The following OSBP variants were observed in gnomAD, a reference collection of about 807,000 sequenced individuals.
The protein encoded by OSBP is oxysterol-binding protein 1.
OSBP carries 32 observed loss-of-function variants against 96.6 expected under a neutral mutation model. That is an observed-to-expected ratio of 0.33 (90% confidence interval 0.25 to 0.45). OSBP has a LOEUF of 0.45. OSBP is among the 20% of genes least tolerant of loss of function. OSBP has a pLI of 1.00. For synonymous variants in OSBP, 369 were observed against 389.6 expected, an observed-to-expected ratio of 0.95 and a Z score of 0.62; for missense variants, 653 against 1,029.7, an observed-to-expected ratio of 0.63 and a Z score of 5.01.
At chr11:59,613,396 C>A (rs1271482295) in intron 1 of OSBP, among the ~76,000 whole-genome samples, 1 of 152,174 alleles carries the variant, frequency 6.6e-6, no homozygotes, top group East Asian at 1.9e-4. Context: ...TTATTAGTGT[C>A]TAAGATCACT....
At position 59,614,381 on chromosome 11, in the gene OSBP, T is replaced by C. The variant is rs148494274; in HGVS notation, c.362+922A>G. On this transcript the variant is annotated intron_variant, in intron 1 of 13. Transcript: ENST00000263847. ...AATGAAATACTGTATATAAAACACC[T>C]AGACACATTGTCCAGCCCTCAGGAA... Among the ~76,000 whole-genome samples the C allele has an allele frequency of 2.0e-5, 3 of 152,288 alleles. No individual in the cohort carries two copies. The East Asian group carries it at 5.8e-4, about 29-fold the overall frequency.
intron 1 of OSBP, among the ~76,000 whole-genome samples, chr11:59,611,789 CTAT>C (rs1231326897): frequency 1.3e-5 from 2 of 152,178 alleles, no homozygotes; most frequent in Non-Finnish European, 2.9e-5. Flanking sequence ...ACTGACAGTT[CTAT>C]TAATAGACTA....
chr11:59,601,892 A>T (rs1237668467), intron 3 of OSBP, 54 bp from the exon 4 acceptor site: 1 of 1,528,762 alleles, frequency 6.5e-7, no homozygotes, highest in Non-Finnish European at 9.0e-7. Flanking sequence ...GTTTCCCCTC[A>T]GGCTTCTGCA....
intron 3 of OSBP, among the ~76,000 whole-genome samples, chr11:59,602,551 T>G (rs1421930137): frequency 6.6e-6 from 1 of 152,222 alleles, no homozygotes; most frequent in Admixed American, 6.5e-5. Flanking sequence ...ACCTTCATAA[T>G]ACGGCCATCA....
chr11:59,599,017 C>A (rs1367234857), intron 7 of OSBP, among the ~76,000 whole-genome samples: 2 of 152,246 alleles, frequency 1.3e-5, no homozygotes, highest in African/African-American at 4.8e-5. Flanking sequence ...GGCAGCAGAG[C>A]CCCAGGACAG....
intron 7 of OSBP, 93 bp downstream of exon 7, chr11:59,600,403 C>A: frequency 7.5e-7 from 1 of 1,331,606 alleles, no homozygotes; most frequent in South Asian, 1.4e-5. Flanking sequence ...CCACAAACTG[C>A]CGCACAAGTG....
intron 1 of OSBP, among the ~76,000 whole-genome samples, chr11:59,614,155 A>T (rs1860889979): frequency 6.6e-6 from 1 of 152,230 alleles, no homozygotes; most frequent in Non-Finnish European, 1.5e-5. Context: ...GCTATTGATA[A>T]GCAATTATCT....
chr11:59,611,918 C>G (rs1236349992), intron 1 of OSBP, among the ~76,000 whole-genome samples: 1 of 152,222 alleles, frequency 6.6e-6, no homozygotes, highest in Non-Finnish European at 1.5e-5. Flanking sequence ...CTAACACAAA[C>G]TGTGTCATTT....
chr11:59,615,057 G>A (rs919110248), intron 1 of OSBP, among the ~76,000 whole-genome samples: 1 of 152,252 alleles, frequency 6.6e-6, no homozygotes, highest in Admixed American at 6.5e-5. Flanking sequence ...TGACTGGAAA[G>A]GCCGGGAGCG....
chr11:59,580,037 C>T (rs1378191156), intron 11 of OSBP, 137 bp downstream of exon 11: 1 of 692,766 alleles, frequency 1.4e-6, no homozygotes, highest in Non-Finnish European at 2.6e-6. Context: ...TTTTGAATCA[C>T]TATATGTACA....
At chr11:59,590,219 C>G (rs1479319296) in intron 9 of OSBP, among the ~76,000 whole-genome samples, 2 of 152,150 alleles carry the variant, frequency 1.3e-5, no homozygotes, top group Non-Finnish European at 2.9e-5. Context: ...GTTAACAGAA[C>G]CACAATTTTG....
At chr11:59,606,662 C>T (rs1483643380) in intron 3 of OSBP, among the ~76,000 whole-genome samples, 6 of 152,168 alleles carry the variant, frequency 3.9e-5, no homozygotes, top group African/African-American at 7.2e-5. Flanking sequence ...AACCTGCACA[C>T]GTGCCCCTTG....
At chr11:59,589,272 G>C (rs1314912164) in intron 9 of OSBP, among the ~76,000 whole-genome samples, 1 of 150,304 alleles carries the variant, frequency 6.7e-6, no homozygotes, top group African/African-American at 2.4e-5. Context: ...ACAGGCATGA[G>C]CCACTGCATC....
In OSBP at chr11:59,607,204, G is replaced by A. The variant is rs117661531; in HGVS notation, c.822+1280C>T. Among the ~76,000 whole-genome samples the A allele has an allele frequency of 7.3e-3, 1,116 of 152,174 alleles. 8 individuals carry two copies. Among genetic ancestry groups the A allele is most frequent in the Middle Eastern group, 0.017 (5 of 294 alleles). ...GAGTTGTTTTATTTAAAAAGTATAC[G>A]TATTTACTATTTAATTGACTGTATG... On this transcript the variant is annotated intron_variant, in intron 3 of 13. Coordinates refer to ENST00000263847, the MANE Select transcript of OSBP (RefSeq NM_002556.3).
Position 59,615,562 on chromosome 11 carries a change from C to A in OSBP, c.103G>T (p.Gly35Cys). The A allele has an allele frequency of 7.3e-7, 1 of 1,363,570 alleles. No individual in the cohort carries two copies. The highest frequency in any genetic ancestry group is 2.9e-5 in the Admixed American group (1 of 35,062). 84.5% of individuals were successfully genotyped at this position (1,363,570 alleles called of 1,614,324 possible). ...GAGCCTGGCCCCGCATCTCCGCGGCCGCCGCCTCCTCCCACCACTGGGGGA... is the reference window on the plus strand; with the variant it reads ...GAGCCTGGCCCCGCATCTCCGCGGCAGCCGCCTCCTCCCACCACTGGGGGA... ...AGPPVVGGGG[G>C]RGDAGPGSGA... is the part of the protein sequence containing the mutation. Residue 35 changes from glycine (G) to cysteine (C), a missense_variant, in exon 1 of 14, where the codon GGC (glycine) becomes TGC (cysteine). Around this residue, in one of 6 missense-constraint regions of OSBP, gnomAD observed 151 missense variants for 146.1 expected, o/e 1.03. Coordinates refer to ENST00000263847, the MANE Select transcript of OSBP (RefSeq NM_002556.3).
At chr11:59,609,006 C>T (rs1860815048) in intron 2 of OSBP, among the ~76,000 whole-genome samples, 1 of 152,150 alleles carries the variant, frequency 6.6e-6, no homozygotes, top group Non-Finnish European at 1.5e-5. Context: ...CAGGAATCTG[C>T]CTTTCTAATA....
chr11:59,577,937 G>A (rs1399006087), intron 12 of OSBP, among the ~76,000 whole-genome samples: 7 of 152,170 alleles, frequency 4.6e-5, no homozygotes, highest in Admixed American at 3.3e-4. Flanking sequence ...AGTATTTTTT[G>A]TCAGATGTAG....
intron 3 of OSBP, among the ~76,000 whole-genome samples, chr11:59,604,831 G>C (rs1860761267): frequency 6.6e-6 from 1 of 151,494 alleles, no homozygotes; most frequent in African/African-American, 2.4e-5. Flanking sequence ...CTCCAGCCTG[G>C]GTGAGAGAGC....
Position 59,601,389 on chromosome 11 carries a change from C to T in OSBP, c.1022-4G>A. The stretch of plus-strand genomic sequence containing the variant: ...CCTTTGCCAGAGCAGCACTGATCTA[C>T]AAGAAGAAAAGCCCCATTTGTTGAC... On this transcript the variant is annotated splice_region_variant and splice_polypyrimidine_tract_variant and intron_variant, in intron 4 of 13. Coordinates refer to ENST00000263847, the MANE Select transcript of OSBP (RefSeq NM_002556.3). 1 of 1,599,990 alleles carries T rather than the reference C, an allele frequency of 6.3e-7. No homozygotes were observed. The highest frequency in any genetic ancestry group is 8.6e-7 in the Non-Finnish European group (1 of 1,169,258).
Sources: gnomAD v4.1 joint callset for allele counts (sites outside exome capture counted in the v4.1 genomes callset) on GRCh38, gnomAD v4.1.1 for gene constraint, gnomAD v4.1.1 regional missense constraint, MANE v1.5 for transcripts, NCBI Gene and HGNC (gene_info 2026-07-23, HGNC 2026-07-21) for gene names.